Variants in GPRC5C observed in about 807,000 individuals in gnomAD.
GPRC5C encodes G protein-coupled receptor class C group 5 member C.
In GPRC5C, 22 loss-of-function variants were observed where a neutral mutation model predicts 31.4. The observed-to-expected ratio is 0.70, with a 90% confidence interval of 0.50 to 1.00. The LOEUF is 1.00. Ranked by LOEUF, GPRC5C falls within the 50% of genes least tolerant of loss-of-function variation. The probability of loss-of-function intolerance (pLI) is 0.00; values close to 1 mark genes in which losing one functional copy is unlikely to be tolerated. For missense variants in GPRC5C, 557 were observed against 597.2 expected (o/e 0.93, Z 0.70); for synonymous variants, 249 against 257.5 (o/e 0.97, Z 0.32).
At chr17:74,447,817 TCTC>T (rs1466423200), downstream of GPRC5C, among the ~76,000 whole-genome samples, 2 of 152,174 alleles carry the variant, frequency 1.3e-5, no homozygotes, top group African/African-American at 4.8e-5. Flanking sequence ...CATTTCAGCT[TCTC>T]CTGGGATGAA....
At chr17:74,438,524 G>GACC (rs1332593200) in intron 1 of GPRC5C, among the ~76,000 whole-genome samples, 1 of 151,944 alleles carries the variant, frequency 6.6e-6, no homozygotes, top group African/African-American at 2.4e-5. Context: ...GCCTCCCAAA[G>GACC]TGCTGGGATT....
chr17:74,441,571 T>C (rs2144428536), intron 2 of GPRC5C, among the ~76,000 whole-genome samples: 1 of 152,306 alleles, frequency 6.6e-6, no homozygotes, highest in South Asian at 2.1e-4. Context: ...ACACCTGTAA[T>C]CCCAGCACTT....
At chr17:74,434,492 C>T (rs1210047069) in intron 1 of GPRC5C, among the ~76,000 whole-genome samples, 2 of 152,186 alleles carry the variant, frequency 1.3e-5, no homozygotes, top group Admixed American at 1.3e-4. Context: ...ATGATTTGAA[C>T]GTTCAGGGAT....
At chr17:74,449,107 A>G (rs963470352), downstream of GPRC5C, among the ~76,000 whole-genome samples, 3 of 152,190 alleles carry the variant, frequency 2.0e-5, no homozygotes, top group African/African-American at 4.8e-5. Context: ...TAGGGGAAAA[A>G]ATGTTTTTGT....
At chr17:74,446,606 G>A in intron 3 of GPRC5C, 1 of 492,794 alleles carries the variant, frequency 2.0e-6, no homozygotes, top group Non-Finnish European at 3.6e-6. Flanking sequence ...CCTCTGTGAA[G>A]CCCCAGCACC....
chr17:74,435,454 G>A (rs1477863483), intron 1 of GPRC5C, among the ~76,000 whole-genome samples: 1 of 152,238 alleles, frequency 6.6e-6, no homozygotes, highest in African/African-American at 2.4e-5. Context: ...ATGGGACCAG[G>A]TTGTTTCCTC....
chr17:74,443,290 C>T (rs2055571916), intron 2 of GPRC5C: 1 of 240,462 alleles, frequency 4.2e-6, no homozygotes, highest in South Asian at 4.3e-5. Flanking sequence ...TGCGTTAAGG[C>T]TCCCTGGCCA....
rs2144452875 is a variant in GPRC5C, at chr17:74,447,162, C to T, written c.*134C>T. On this transcript the variant is annotated 3_prime_UTR_variant, in exon 4 of 4. Transcript: ENST00000392627. ...GTGCCCCAGATCTGGAAGGGCCTCC[C>T]TCTCTGCCAGTGTTTGGGTGGGTGT... 6 of 1,451,894 alleles carry T rather than the reference C, an allele frequency of 4.1e-6. No homozygotes were observed. Among genetic ancestry groups the T allele is most frequent in the African/African-American group, 1.4e-5 (1 of 70,172 alleles). The allele number at this position is 1,451,894 out of a possible 1,614,324, so 89.9% of individuals were successfully genotyped here.
At chr17:74,447,610 A>G (rs866250622), downstream of GPRC5C, among the ~76,000 whole-genome samples, 22 of 152,142 alleles carry the variant, frequency 1.4e-4, no homozygotes, top group African/African-American at 5.1e-4. Flanking sequence ...GTGGTTCTTT[A>G]GCAGGTCCTC....
chr17:74,448,190 A>G (rs1281377213), downstream of GPRC5C, among the ~76,000 whole-genome samples: 1 of 151,940 alleles, frequency 6.6e-6, no homozygotes, highest in Non-Finnish European at 1.5e-5. Flanking sequence ...AGTCCTAGCT[A>G]CTCAAGGGGG....
At chr17:74,438,206 CATATATATAT>C (rs71157066) in intron 1 of GPRC5C, among the ~76,000 whole-genome samples, 3,659 of 45,256 alleles carry the variant, frequency 0.081, 160 homozygotes, top group Middle Eastern at 0.14. Context: ...TCTGCTAATT[CATATATATAT>C]ATATATATAT....
chr17:74,433,259 A>G (rs2055382558), intron 1 of GPRC5C, among the ~76,000 whole-genome samples: 1 of 152,058 alleles, frequency 6.6e-6, no homozygotes, highest in African/African-American at 2.4e-5. Context: ...CTGTGCCTTC[A>G]ACTGGACTGG....
chr17:74,447,513 T>C, downstream of GPRC5C: 1 of 237,238 alleles, frequency 4.2e-6, no homozygotes, highest in Non-Finnish European at 6.9e-6. Flanking sequence ...GGGTGACTTC[T>C]CTTTCTTCCC....
At position 74,440,021 on chromosome 17, in the gene GPRC5C, A is replaced by G. The variant is rs751857887; in HGVS notation, c.245A>G (p.Lys82Arg). ...AGCCTCCCCTTTGTGCAGGACACCA[A>G]GAAACGGAGCCTGCTGGGGACCCAG... ...VASLPFVQDTKKRSLLGTQVF... is the reference protein window; with the variant it reads ...VASLPFVQDTRKRSLLGTQVF... The change falls in exon 2 of 4, where the codon AAG becomes AGG. Residue 82 changes from lysine to arginine, a missense_variant. Coordinates refer to ENST00000392627, the MANE Select transcript of GPRC5C (RefSeq NM_022036.4). The surrounding 1 kb of genome is among the most constrained non-coding windows in gnomAD (Gnocchi z 4.4). The G allele has an allele frequency of 6.2e-7, 1 of 1,610,514 alleles. No individual in the cohort carries two copies. Among genetic ancestry groups the G allele is most frequent in the Non-Finnish European group, 8.5e-7 (1 of 1,179,994 alleles).
chr17:74,446,402 A>T (rs1273626516), intron 3 of GPRC5C: 1 of 152,570 alleles, frequency 6.6e-6, no homozygotes, highest in Non-Finnish European at 1.5e-5. Context: ...CAGTTGGCCG[A>T]GATCACGCCA....
chr17:74,441,960 C>T (rs1300345092), intron 2 of GPRC5C, among the ~76,000 whole-genome samples: 1 of 152,188 alleles, frequency 6.6e-6, no homozygotes, highest in Non-Finnish European at 1.5e-5. Flanking sequence ...TCCATAATCA[C>T]CTTAGTTTTC....
chr17:74,440,486 G>T lies in GPRC5C; in HGVS notation c.710G>T (p.Arg237Leu). 1 of 1,614,144 alleles carries T rather than the reference G, an allele frequency of 6.2e-7. No individual in the cohort carries two copies. The highest frequency in any genetic ancestry group is 2.2e-5 in the East Asian group (1 of 44,886). Reference sequence around the variant, plus strand: ...CCCGCCCTGTGTGGCCGCTACAAGCGCTGGCGTAAGCATGGGGTCTTTGTG... The same window carrying T: ...CCCGCCCTGTGTGGCCGCTACAAGCTCTGGCGTAAGCATGGGGTCTTTGTG... ...AWPALCGRYK[R>L]WRKHGVFVLL... is the part of the protein sequence containing the mutation. Residue 237 changes from arginine (R) to leucine (L), a missense_variant, in exon 2 of 4, where the codon CGC becomes CTC. Transcript: ENST00000392627. This position sits in a 1 kb window ranked among gnomAD's most constrained non-coding sequence, Gnocchi z 4.4.
intron 2 of GPRC5C, chr17:74,443,308 G>C (rs539459732): frequency 1.9e-5 from 5 of 258,552 alleles, no homozygotes; most frequent in South Asian, 1.8e-4. Flanking sequence ...CCAGGCTCTG[G>C]GTTGGTGTAG....
rs2055639605 is a variant in GPRC5C at position 74,446,626 on chromosome 17, C to G, written c.1147-223C>G. 4 of 550,498 alleles carry G rather than the reference C, an allele frequency of 7.3e-6. No homozygotes were observed. In the Admixed American group the frequency reaches 9.6e-5, roughly 13 times the overall value. 34.1% of individuals were successfully genotyped at this position (550,498 alleles called of 1,614,324 possible). Reference sequence around the variant, plus strand: ...GTGAAGCCCCAGCACCATCCAAGGTCAGCAGGGGCCTCGTTCCCATGCCCA... The same window carrying G: ...GTGAAGCCCCAGCACCATCCAAGGTGAGCAGGGGCCTCGTTCCCATGCCCA... On this transcript the variant is annotated intron_variant, in intron 3 of 3. Transcript: ENST00000392627.
Sources: allele counts gnomAD v4.1 joint callset (sites outside exome capture counted in the v4.1 genomes callset), GRCh38; gene constraint gnomAD v4.1.1; non-coding constraint Gnocchi (gnomAD v3.1); transcripts MANE v1.5; gene names NCBI Gene and HGNC (gene_info 2026-07-23, HGNC 2026-07-21).